PATJ: variants seen among roughly 807,000 people sequenced by gnomAD.
PATJ encodes inaD-like protein.
A neutral mutation model predicts 224.9 loss-of-function variants in PATJ; 190 were observed. The ratio of observed to expected loss-of-function variants is 0.84; its 90% CI spans 0.75 to 0.95. The LOEUF (loss-of-function observed/expected upper bound fraction) is 0.95. PATJ is among the 40% of genes least tolerant of loss of function. PATJ has a pLI of 0.00. For missense variants in PATJ, 2,121 were observed against 2,270.3 expected, an observed-to-expected ratio of 0.93 and a Z score of 1.34; for synonymous variants, 769 against 820.3, an observed-to-expected ratio of 0.94 and a Z score of 1.07.
intron 28 of PATJ, among the ~76,000 whole-genome samples, chr1:62,005,109 G>A (rs1415626970): frequency 6.6e-6 from 1 of 151,818 alleles, no homozygotes; most frequent in Non-Finnish European, 1.5e-5. Context: ...GAATAGCCAT[G>A]AGAGGGATGA....
chr1:61,763,208 ATATAT>A (rs766195741), intron 3 of PATJ, 29 bp downstream of exon 3: 10 of 1,298,980 alleles, frequency 7.7e-6, no homozygotes, highest in African/African-American at 3.0e-5. Flanking sequence ...TTTTACATTA[ATATAT>A]TATATTAATA....
At chr1:61,813,028 A>G (rs1359903746) in intron 14 of PATJ, among the ~76,000 whole-genome samples, 3 of 151,704 alleles carry the variant, frequency 2.0e-5, no homozygotes, top group Non-Finnish European at 4.4e-5. Context: ...CTCCTGTGTC[A>G]TATTACTTTA....
At chr1:62,095,665 A>T (rs1045374161) in intron 33 of PATJ, among the ~76,000 whole-genome samples, 24 of 152,294 alleles carry the variant, frequency 1.6e-4, no homozygotes, top group African/African-American at 5.3e-4. Context: ...TGCCTTTCAC[A>T]TTGTGCTTCC....
rs1249543041 is a variant in PATJ, at chr1:62,158,716, G to T, written c.5503-2192G>T. On this transcript the variant is annotated intron_variant, in intron 43 of 43. Transcript: ENST00000642238. ...AGCCTGGGCGACAGAGCGAGACTCT[G>T]TCTCAAAAAAAAAACAAAAAAAAAG... Among the ~76,000 whole-genome samples the T allele has an allele frequency of 6.3e-5, 5 of 79,574 alleles. No homozygotes were observed. In the South Asian group the frequency reaches 1.4e-3, roughly 23 times the overall value. 52.2% of individuals were successfully genotyped at this position (79,574 alleles called of 152,430 possible).
At position 61,956,385 on chromosome 1, in the gene PATJ, G is replaced by A. The variant is rs1164405631; in HGVS notation, c.3670+28556G>A. 3.3e-5 allele frequency among the ~76,000 whole-genome samples: 5 copies of A among 152,282 alleles called. 1 individual carries two copies. In the South Asian group the frequency reaches 8.3e-4, roughly 25 times the overall value. ...GTTAAAGGTTTTGAATTTCATTTGG[G>A]TTTTGGCTCAGTGTTGCCTGAACCT... On this transcript the variant is annotated intron_variant, in intron 27 of 43. Transcript: ENST00000642238.
At position 61,920,461 on chromosome 1, in the gene PATJ, C is replaced by T. The variant is rs918409679; in HGVS notation, c.3570+5797C>T. 3.3e-5 allele frequency among the ~76,000 whole-genome samples: 5 copies of T among 152,236 alleles called. No homozygotes were observed. The East Asian group carries it at 9.7e-4, about 29-fold the overall frequency. On this transcript the variant is annotated intron_variant, in intron 26 of 43. Coordinates refer to ENST00000642238, the MANE Select transcript of PATJ (RefSeq NM_001350145.3). ...GTGACTTGCTCCTCCTTGCTTTCCGCCATGATTATGAGGCCTCTCCTGCCT... is the reference window on the plus strand; with the variant it reads ...GTGACTTGCTCCTCCTTGCTTTCCGTCATGATTATGAGGCCTCTCCTGCCT...
chr1:61,917,821 A>G (rs2498953), intron 26 of PATJ, among the ~76,000 whole-genome samples: 1 of 152,124 alleles, frequency 6.6e-6, no homozygotes, highest in Non-Finnish European at 1.5e-5. Context: ...TGGGAGGCCA[A>G]CGTGGGCGAA....
chr1:61,843,736 T>C (rs925911961), intron 17 of PATJ, among the ~76,000 whole-genome samples: 1 of 141,204 alleles, frequency 7.1e-6, no homozygotes, highest in Non-Finnish European at 1.5e-5. Flanking sequence ...AAAAAAAAAA[T>C]GCATATAAAT....
intron 35 of PATJ, among the ~76,000 whole-genome samples, chr1:62,115,337 G>T (rs1418038182): frequency 1.3e-5 from 2 of 151,464 alleles, no homozygotes; most frequent in East Asian, 1.9e-4. Context: ...ATAAAAAGAG[G>T]TATATGTTGC....
intron 1 of PATJ, among the ~76,000 whole-genome samples, chr1:61,744,682 AATGTGTGGGCCC>A (rs1644936165): frequency 6.6e-6 from 1 of 152,148 alleles, no homozygotes; most frequent in African/African-American, 2.4e-5. Context: ...TGACCAAATA[AATGTGTGGGCCC>A]ATCAGTTCTG....
chr1:61,997,617 A>C lies in PATJ; in HGVS notation c.3867+7253A>C, dbSNP rs76033484. Reference sequence around the variant, plus strand: ...TTTAAGTTATTTGAGTTCTGGATTAATAATGATTCTAGAAGGTAATAAGTG... The same window carrying C: ...TTTAAGTTATTTGAGTTCTGGATTACTAATGATTCTAGAAGGTAATAAGTG... On this transcript the variant is annotated intron_variant, in intron 28 of 43. Transcript: ENST00000642238. Among the ~76,000 whole-genome samples, 314 of 152,246 alleles carry C rather than the reference A, an allele frequency of 2.1e-3. 1 individual carries two copies. Among genetic ancestry groups the C allele is most frequent in the African/African-American group, 6.9e-3 (286 of 41,520 alleles).
chr1:62,088,519 C>G (rs770287765), intron 33 of PATJ, among the ~76,000 whole-genome samples: 1 of 152,098 alleles, frequency 6.6e-6, no homozygotes, highest in Non-Finnish European at 1.5e-5. Context: ...CCATTCCTCT[C>G]TTTTAGCTCT....
chr1:61,884,005 A>G (rs547317905), intron 21 of PATJ, among the ~76,000 whole-genome samples: 1 of 152,210 alleles, frequency 6.6e-6, no homozygotes, highest in South Asian at 2.1e-4. Context: ...GAGGCCACTG[A>G]AAATTGTAAC....
At chr1:62,115,348 C>G (rs944504908) in intron 35 of PATJ, among the ~76,000 whole-genome samples, 1 of 151,560 alleles carries the variant, frequency 6.6e-6, no homozygotes, top group African/African-American at 2.4e-5. Flanking sequence ...TATATGTTGC[C>G]TAGGCCAGGC....
chr1:61,981,159 TA>T (rs1644428946), intron 27 of PATJ, among the ~76,000 whole-genome samples: 2 of 152,138 alleles, frequency 1.3e-5, no homozygotes, highest in African/African-American at 4.8e-5. Context: ...AAGGCTGCCT[TA>T]AATTTGGTCT....
chr1:61,965,433 T>G (rs1416620204), intron 27 of PATJ, among the ~76,000 whole-genome samples: 1 of 152,242 alleles, frequency 6.6e-6, no homozygotes, highest in Non-Finnish European at 1.5e-5. Flanking sequence ...CTTTAATATC[T>G]TCTACCTTCA....
intron 27 of PATJ, among the ~76,000 whole-genome samples, chr1:61,951,768 G>T (rs889048397): frequency 6.6e-6 from 1 of 152,142 alleles, no homozygotes; most frequent in Non-Finnish European, 1.5e-5. Context: ...CATGCTCAGT[G>T]TGGTTCACCA....
intron 32 of PATJ, 142 bp downstream of exon 32, chr1:62,079,709 G>A (rs1658943394): frequency 1.5e-6 from 1 of 653,760 alleles, no homozygotes; most frequent in South Asian, 2.0e-5. Flanking sequence ...TTGGGGCTTG[G>A]ATAGGTCACT....
chr1:61,938,849 T>C (rs1401549564), intron 27 of PATJ, among the ~76,000 whole-genome samples: 1 of 152,110 alleles, frequency 6.6e-6, no homozygotes, highest in Non-Finnish European at 1.5e-5. Flanking sequence ...ATTCAATAAA[T>C]GATCGACTGT....
Sources: allele counts gnomAD v4.1 joint callset (sites outside exome capture counted in the v4.1 genomes callset), GRCh38; gene constraint gnomAD v4.1.1; transcripts MANE v1.5; gene names NCBI Gene and HGNC (gene_info 2026-07-23, HGNC 2026-07-21).